Variants in LRRFIP1 observed in about 807,000 individuals in gnomAD.
The protein encoded by LRRFIP1 is leucine-rich repeat flightless-interacting protein 1.
A neutral mutation model predicts 104.4 loss-of-function variants in LRRFIP1; 62 were observed. The observed-to-expected ratio is 0.59, with a 90% CI of 0.48 to 0.73. LRRFIP1 has a LOEUF of 0.73. Among genes scored for constraint, LRRFIP1 ranks in the 30% least tolerant of loss-of-function variants. The pLI is 0.00. For synonymous variants in LRRFIP1, 300 were observed against 299.0 expected (o/e 1.00, Z -0.03); for missense variants, 796 against 824.5 (o/e 0.97, Z 0.42).
At chr2:237,686,623 T>C (rs925958656) in intron 1 of LRRFIP1, among the ~76,000 whole-genome samples, 6 of 152,186 alleles carry the variant, frequency 3.9e-5, no homozygotes, top group Non-Finnish European at 7.3e-5. Context: ...AGAGGTTCAG[T>C]ACCCAGGTCA....
At chr2:237,779,340 T>C (rs1394931898) in intron 23 of LRRFIP1, 82 bp from the exon 24 acceptor site, 8 of 1,511,968 alleles carry the variant, frequency 5.3e-6, no homozygotes, top group Non-Finnish European at 7.1e-6. Flanking sequence ...TTCAGTAGGA[T>C]TGGAATTTCG....
At chr2:237,707,008 A>C (rs1165291788) in intron 1 of LRRFIP1, among the ~76,000 whole-genome samples, 1 of 152,188 alleles carries the variant, frequency 6.6e-6, no homozygotes, top group Non-Finnish European at 1.5e-5. Context: ...ATCCTGATGC[A>C]GTTGTGATTT....
At chr2:237,719,481 C>T (rs761552949) in intron 4 of LRRFIP1, 42 bp from the exon 5 acceptor site, 63 of 1,506,164 alleles carry the variant, frequency 4.2e-5, no homozygotes, top group Non-Finnish European at 5.7e-5. Flanking sequence ...TTTCCTGTGT[C>T]CATCTGTCTC....
chr2:237,767,326 C>T (rs1276956588), intron 19 of LRRFIP1, among the ~76,000 whole-genome samples: 1 of 152,178 alleles, frequency 6.6e-6, no homozygotes, highest in East Asian at 1.9e-4. Context: ...GCCATATCCC[C>T]AGACGAACCT....
At chr2:237,773,661 A>G (rs1041362814) in intron 22 of LRRFIP1, among the ~76,000 whole-genome samples, 16 of 152,146 alleles carry the variant, frequency 1.1e-4, no homozygotes, top group African/African-American at 3.9e-4. Context: ...CCTGGTGTCT[A>G]GACATGGGGC....
intron 1 of LRRFIP1, among the ~76,000 whole-genome samples, chr2:237,666,740 G>GTTCTTCA (rs2089332080): frequency 6.7e-6 from 1 of 149,826 alleles, no homozygotes; most frequent in Non-Finnish European, 1.5e-5. Context: ...TTGTTCTTTC[G>GTTCTTCA]TTCTTTCATT....
intron 1 of LRRFIP1, among the ~76,000 whole-genome samples, chr2:237,698,635 T>C (rs2093337984): frequency 6.6e-6 from 1 of 152,250 alleles, no homozygotes; most frequent in Non-Finnish European, 1.5e-5. Flanking sequence ...AATTTCAGTC[T>C]ACTCCATAAT....
chr2:237,686,112 T>C (rs2092347710), intron 1 of LRRFIP1, among the ~76,000 whole-genome samples: 1 of 152,216 alleles, frequency 6.6e-6, no homozygotes, highest in African/African-American at 2.4e-5. Flanking sequence ...TTCAGGCTCC[T>C]TTCTGTTCTG....
intron 9 of LRRFIP1, among the ~76,000 whole-genome samples, chr2:237,734,727 G>A (rs1576000652): frequency 6.6e-6 from 1 of 152,208 alleles, no homozygotes; most frequent in East Asian, 1.9e-4. Flanking sequence ...ACCATTTGTG[G>A]CAGTGTAAGC....
At chr2:237,676,687 G>A (rs1238646357) in intron 1 of LRRFIP1, among the ~76,000 whole-genome samples, 1 of 152,198 alleles carries the variant, frequency 6.6e-6, no homozygotes, top group South Asian at 2.1e-4. Flanking sequence ...ATTTTTAGTA[G>A]AGATTGGGTT....
At chr2:237,702,904 A>C (rs2093615162) in intron 1 of LRRFIP1, among the ~76,000 whole-genome samples, 1 of 152,140 alleles carries the variant, frequency 6.6e-6, no homozygotes, top group Non-Finnish European at 1.5e-5. Context: ...CACCCCACCC[A>C]GGTTATTTGA....
intron 1 of LRRFIP1, among the ~76,000 whole-genome samples, chr2:237,683,095 A>G (rs932771686): frequency 6.6e-6 from 1 of 152,364 alleles, no homozygotes; most frequent in African/African-American, 2.4e-5. Context: ...GCCCACGACA[A>G]GGAACTGTGC....
At chr2:237,641,422 A>C (rs1662159097) in intron 1 of LRRFIP1, among the ~76,000 whole-genome samples, 1 of 150,664 alleles carries the variant, frequency 6.6e-6, no homozygotes, top group East Asian at 2.0e-4. Context: ...GCTTGAACCC[A>C]GGAGGTAGAG....
chr2:237,735,915 G>A lies in LRRFIP1; in HGVS notation c.555+582G>A, dbSNP rs2095229650. Among the ~76,000 whole-genome samples the A allele has an allele frequency of 6.6e-6, 1 of 152,220 alleles. No individual in the cohort carries two copies. Among genetic ancestry groups the A allele is most frequent in the African/African-American group, 2.4e-5 (1 of 41,452 alleles). On this transcript the variant is annotated intron_variant, in intron 10 of 23. Transcript: ENST00000308482. This position sits in a 1 kb window ranked among gnomAD's most constrained non-coding sequence, Gnocchi z 4.6. ...TGGAAGTGGGGAGACGAATTTGCGT[G>A]TCCCAGGGACCTGTGGAAACGGAGC...
intron 23 of LRRFIP1, among the ~76,000 whole-genome samples, chr2:237,777,861 C>T (rs150790635): frequency 7.9e-5 from 12 of 152,240 alleles, no homozygotes; most frequent in African/African-American, 2.9e-4. Context: ...TTTTAACCAT[C>T]TCTCTTTCAT....
chr2:237,770,045 C>T, intron 20 of LRRFIP1, 53 bp downstream of exon 20: 2 of 1,392,462 alleles, frequency 1.4e-6, no homozygotes, highest in Admixed American at 3.8e-5. Context: ...CCTGAAACCA[C>T]CTGCCCATCC....
chr2:237,715,815 C>T (rs1336052712), intron 3 of LRRFIP1, among the ~76,000 whole-genome samples: 1 of 152,210 alleles, frequency 6.6e-6, no homozygotes, highest in Non-Finnish European at 1.5e-5. Context: ...GAAATGTTTG[C>T]CCTTCCTGGA....
intron 1 of LRRFIP1, among the ~76,000 whole-genome samples, chr2:237,652,169 C>T (rs1392987241): frequency 1.3e-5 from 2 of 152,232 alleles, no homozygotes; most frequent in Non-Finnish European, 2.9e-5. Context: ...GGAGAGAAGT[C>T]AGGGAATTAA....
chr2:237,677,210 T>C (rs115424078), intron 1 of LRRFIP1, among the ~76,000 whole-genome samples: 1 of 152,136 alleles, frequency 6.6e-6, no homozygotes, highest in Non-Finnish European at 1.5e-5. Context: ...CTCTTCTCCA[T>C]CCAGCCCTGG....
Sources: allele counts gnomAD v4.1 joint callset (sites outside exome capture counted in the v4.1 genomes callset), GRCh38; gene constraint gnomAD v4.1.1; non-coding constraint Gnocchi (gnomAD v3.1); transcripts MANE v1.5; gene names NCBI Gene and HGNC (gene_info 2026-07-23, HGNC 2026-07-21).